The following SLC6A11 variants were observed in gnomAD, a reference collection of about 807,000 sequenced individuals.
SLC6A11 encodes solute carrier family 6 member 11.
A neutral mutation model predicts 74.8 loss-of-function variants in SLC6A11; 25 were observed. The ratio of observed to expected loss-of-function variants is 0.33; its 90% confidence interval spans 0.24 to 0.47. The LOEUF (loss-of-function observed/expected upper bound fraction) is 0.47. SLC6A11 is among the 20% of genes least tolerant of loss of function. The probability of loss-of-function intolerance (pLI) is 1.00; values close to 1 mark genes in which losing one functional copy is unlikely to be tolerated. For synonymous variants in SLC6A11, 330 were observed against 330.2 expected, an observed-to-expected ratio of 1.00 and a Z score of 0.01; for missense variants, 574 against 837.0, an observed-to-expected ratio of 0.69 and a Z score of 3.88.
At chr3:10,873,991 C>CGCTATGCTATGCTATGCTAT (rs879605613) in intron 5 of SLC6A11, among the ~76,000 whole-genome samples, 2 of 136,402 alleles carry the variant, frequency 1.5e-5, no homozygotes, top group Admixed American at 6.9e-5. Flanking sequence ...CGCTACGCTA[C>CGCTATGCTATGCTATGCTAT]GCTATGCTAT....
chr3:10,925,135 T>C (rs182135065), intron 8 of SLC6A11, among the ~76,000 whole-genome samples: 1 of 152,366 alleles, frequency 6.6e-6, no homozygotes, highest in East Asian at 1.9e-4. Flanking sequence ...TTGATTGTCG[T>C]GGTGGTTATC....
intron 6 of SLC6A11, among the ~76,000 whole-genome samples, chr3:10,881,429 TAAGTA>T (rs2106609337): frequency 6.6e-6 from 1 of 152,188 alleles, no homozygotes; most frequent in Non-Finnish European, 1.5e-5. Context: ...AATAAATAAG[TAAGTA>T]AAGTAGAGTG....
intron 4 of SLC6A11, among the ~76,000 whole-genome samples, chr3:10,833,393 C>G (rs568623767): frequency 6.6e-6 from 1 of 152,220 alleles, no homozygotes; most frequent in South Asian, 2.1e-4. Context: ...GGTGGAGGCC[C>G]GAGGGAGAAC....
At chr3:10,852,591 G>A (rs1396452615) in intron 5 of SLC6A11, among the ~76,000 whole-genome samples, 1 of 152,244 alleles carries the variant, frequency 6.6e-6, no homozygotes, top group Non-Finnish European at 1.5e-5. Flanking sequence ...GTGGCCTGGA[G>A]AAGGCCAGGA....
In SLC6A11 at chr3:10,940,210, T is replaced by A. The variant is rs1339539862; in HGVS notation, c.*1808T>A. ...TTATGGGCAAGCCACCATCCCACTC[T>A]CGTCTCCCTGAGCTGTCTGGTTCTG... On this transcript the variant is annotated 3_prime_UTR_variant, in exon 14 of 14. Coordinates refer to ENST00000254488, the MANE Select transcript of SLC6A11 (RefSeq NM_014229.3). 2.0e-5 allele frequency: 3 copies of A among 152,216 alleles called. No individual in the cohort carries two copies. Among genetic ancestry groups the A allele is most frequent in the Non-Finnish European group, 4.4e-5 (3 of 68,084 alleles). 9.4% of individuals were successfully genotyped at this position (152,216 alleles called of 1,614,324 possible). A position where few individuals can be genotyped will look rare whatever the true frequency, so the allele number is the denominator to read the frequency against.
chr3:10,835,926 C>T (rs1809529), intron 4 of SLC6A11, among the ~76,000 whole-genome samples: 68,192 of 152,106 alleles, frequency 0.45, 17,479 homozygotes, highest in African/African-American at 0.7. Flanking sequence ...AAGTGTACAG[C>T]TTTGAGTAAA....
At chr3:10,928,962 C>A (rs973447420) in intron 9 of SLC6A11, among the ~76,000 whole-genome samples, 3 of 152,190 alleles carry the variant, frequency 2.0e-5, no homozygotes, top group African/African-American at 7.2e-5. Context: ...CACGTCCTTG[C>A]TGAATAATCC....
intron 1 of SLC6A11, among the ~76,000 whole-genome samples, chr3:10,817,448 C>T (rs1694078377): frequency 6.6e-6 from 1 of 152,170 alleles, no homozygotes; most frequent in Non-Finnish European, 1.5e-5. Flanking sequence ...CCTTCAGGAC[C>T]CCCTCCTGTC....
chr3:10,911,477 G>A (rs1400772691), intron 6 of SLC6A11, among the ~76,000 whole-genome samples: 1 of 152,134 alleles, frequency 6.6e-6, no homozygotes, highest in South Asian at 2.1e-4. Flanking sequence ...TAGAGGGGGG[G>A]AGTCTGTTCT....
rs898475611 is a variant in SLC6A11 at position 10,926,636 on chromosome 3, C to T, written c.1233+520C>T. The stretch of plus-strand genomic sequence containing the variant: ...ACCGCCTGCCTGTCTCTGTGCTCGG[C>T]CCTCCCTAGAGGCCCCTTGCCAACC... On this transcript the variant is annotated intron_variant, in intron 9 of 13. Transcript: ENST00000254488. The surrounding 1 kb of genome is among the most constrained non-coding windows in gnomAD (Gnocchi z 5.7). 6.6e-6 allele frequency among the ~76,000 whole-genome samples: 1 copy of T among 152,182 alleles called. No homozygotes were observed. Among genetic ancestry groups the T allele is most frequent in the Non-Finnish European group, 1.5e-5 (1 of 68,024 alleles).
At chr3:10,836,578 A>T (rs1175069708) in intron 4 of SLC6A11, among the ~76,000 whole-genome samples, 1 of 152,162 alleles carries the variant, frequency 6.6e-6, no homozygotes, top group Non-Finnish European at 1.5e-5. Flanking sequence ...TGTGGTTTTA[A>T]TTTCCATTTC....
intron 5 of SLC6A11, among the ~76,000 whole-genome samples, chr3:10,857,600 CAATT>C (rs1415329931): frequency 6.6e-6 from 1 of 152,112 alleles, no homozygotes; most frequent in Non-Finnish European, 1.5e-5. Flanking sequence ...TCCTGAATCA[CAATT>C]AAGTTGTGTC....
rs1319535766 is a variant in SLC6A11, at chr3:10,920,903, T to G, written c.1120+2450T>G. 2.6e-5 allele frequency among the ~76,000 whole-genome samples: 4 copies of G among 152,144 alleles called. No individual in the cohort carries two copies. In the East Asian group the frequency reaches 7.7e-4, roughly 29 times the overall value. ...GTGTGGATCACACCAAGACCCTCTTTAGGAGTCTGCCAATTGGAGAAAATG... is the reference window on the plus strand; with the variant it reads ...GTGTGGATCACACCAAGACCCTCTTGAGGAGTCTGCCAATTGGAGAAAATG... On this transcript the variant is annotated intron_variant, in intron 8 of 13. Coordinates refer to ENST00000254488, the MANE Select transcript of SLC6A11 (RefSeq NM_014229.3).
At chr3:10,863,171 T>C (rs1559563567) in intron 5 of SLC6A11, among the ~76,000 whole-genome samples, 1 of 152,106 alleles carries the variant, frequency 6.6e-6, no homozygotes. Flanking sequence ...TGCCTTTGAG[T>C]AGATACCAAG....
chr3:10,897,015 C>A (rs1043334285), intron 6 of SLC6A11, among the ~76,000 whole-genome samples: 2 of 152,162 alleles, frequency 1.3e-5, no homozygotes, highest in East Asian at 1.9e-4. Flanking sequence ...GGCACATCTC[C>A]CATGGTGGTG....
intron 6 of SLC6A11, among the ~76,000 whole-genome samples, chr3:10,888,348 G>T (rs371819227): frequency 6.6e-6 from 1 of 152,220 alleles, no homozygotes; most frequent in East Asian, 1.9e-4. Context: ...GGGGGAAAAT[G>T]AGGCTGCTAT....
chr3:10,907,572 G>C (rs1695322216), intron 6 of SLC6A11, among the ~76,000 whole-genome samples: 1 of 152,204 alleles, frequency 6.6e-6, no homozygotes, highest in African/African-American at 2.4e-5. Flanking sequence ...ACACAGATTA[G>C]TCACTGTTGG....
At chr3:10,873,968 CTAT>C (rs1694876162) in intron 5 of SLC6A11, among the ~76,000 whole-genome samples, 3 of 141,788 alleles carry the variant, frequency 2.1e-5, no homozygotes, top group Admixed American at 1.3e-4. Context: ...CTACGCTATG[CTAT>C]GCTACGCTAC....
intron 7 of SLC6A11, among the ~76,000 whole-genome samples, chr3:10,913,533 TCTA>T: frequency 6.6e-6 from 1 of 152,338 alleles, no homozygotes; most frequent in African/African-American, 2.4e-5. Context: ...ACAAATATCA[TCTA>T]CATTATTTTA....
Sources: gnomAD v4.1 joint callset for allele counts (sites outside exome capture counted in the v4.1 genomes callset) on GRCh38, gnomAD v4.1.1 for gene constraint, Gnocchi (gnomAD v3.1) non-coding constraint, MANE v1.5 for transcripts, NCBI Gene and HGNC (gene_info 2026-07-23, HGNC 2026-07-21) for gene names.